Variants in ADA2 observed in about 807,000 individuals in gnomAD.
ADA2 encodes adenosine deaminase 2, also known as adenosine deaminase CECR1.
Under a neutral mutation model 44.2 loss-of-function variants are expected in ADA2, and 29 were observed. The observed-to-expected ratio is 0.66, with a 90% CI of 0.49 to 0.89. The LOEUF (loss-of-function observed/expected upper bound fraction) is 0.89, where lower values mean the gene tolerates loss of function less well. Ranked by LOEUF, ADA2 falls within the 40% of genes least tolerant of loss-of-function variation. The pLI is 0.00. For missense variants in ADA2, 637 were observed against 644.8 expected, an observed-to-expected ratio of 0.99 and a Z score of 0.13; for synonymous variants, 215 against 234.9, an observed-to-expected ratio of 0.92 and a Z score of 0.77.
At chr22:17,200,973 T>TGG (rs2062277114) in intron 4 of ADA2, among the ~76,000 whole-genome samples, 7 of 151,184 alleles carry the variant, frequency 4.6e-5, no homozygotes, top group Admixed American at 4.6e-4. Context: ...TGGAATAACT[T>TGG]GAATAACGAG....
chr22:17,214,421 A>T (rs1287559680), intron 1 of ADA2, among the ~76,000 whole-genome samples: 2 of 152,234 alleles, frequency 1.3e-5, no homozygotes, highest in African/African-American at 2.4e-5. Flanking sequence ...GTTTATTCAG[A>T]GGTAAAGCCC....
At chr22:17,220,396 G>C (rs531707161), upstream of ADA2, among the ~76,000 whole-genome samples, 1 of 152,002 alleles carries the variant, frequency 6.6e-6, no homozygotes, top group Non-Finnish European at 1.5e-5. Flanking sequence ...GTGGGGCCTC[G>C]ACCAAGTTGT....
chr22:17,204,787 A>G (rs12166983), intron 3 of ADA2, among the ~76,000 whole-genome samples: 2 of 141,440 alleles, frequency 1.4e-5, no homozygotes, highest in Non-Finnish European at 3.0e-5. Context: ...GAGAAAATCA[A>G]TTCCTTCTTT....
At chr22:17,215,339 G>A (rs567205530) in intron 1 of ADA2, among the ~76,000 whole-genome samples, 2 of 152,182 alleles carry the variant, frequency 1.3e-5, no homozygotes, top group East Asian at 1.9e-4. Flanking sequence ...GGTGGCTTAC[G>A]CCTGTAATCC....
chr22:17,207,099 C>T lies in ADA2; in HGVS notation c.514G>A (p.Val172Met). Residue 172 changes from valine to methionine, a missense_variant, in exon 3 of 10, where the codon GTG becomes ATG. Val to Met is a conservative substitution (Grantham distance 21, BLOSUM62 1). Coordinates refer to ENST00000399837, the MANE Select transcript of ADA2 (RefSeq NM_001282225.2). ...TCATCAAACTCAGTGACGTTCTGCA[C>T]CCGCTTCCGATAATCCTCCAGCAGA... ...WILLEDYRKR[V>M]QNVTEFDDSL... The T allele has an allele frequency of 1.2e-6, 2 of 1,614,194 alleles. No individual in the cohort carries two copies. The highest frequency in any genetic ancestry group is 1.6e-4 in the Middle Eastern group (1 of 6,062).
chr22:17,190,894 G>A (rs2062106479), intron 5 of ADA2, among the ~76,000 whole-genome samples: 1 of 152,244 alleles, frequency 6.6e-6, no homozygotes, highest in South Asian at 2.1e-4. Flanking sequence ...CCCCATGGAA[G>A]GGAAGGGGAC....
At chr22:17,212,093 C>T (rs1288013595) in intron 1 of ADA2, among the ~76,000 whole-genome samples, 5 of 151,918 alleles carry the variant, frequency 3.3e-5, no homozygotes, top group African/African-American at 1.2e-4. Context: ...GGCGCGATCT[C>T]GGCTCACCGT....
intron 1 of ADA2, among the ~76,000 whole-genome samples, chr22:17,218,136 CAT>C (rs1224941638): frequency 1.3e-5 from 2 of 152,154 alleles, no homozygotes; most frequent in Non-Finnish European, 2.9e-5. Context: ...AATTTTAAAA[CAT>C]GTATTAGCAC....
At chr22:17,200,613 G>A (rs945503867) in intron 4 of ADA2, among the ~76,000 whole-genome samples, 25 of 152,142 alleles carry the variant, frequency 1.6e-4, no homozygotes, top group African/African-American at 5.8e-4. Context: ...CTAAGGAAAA[G>A]GCCGGGCATG....
chr22:17,195,278 G>A (rs539756522), intron 4 of ADA2, among the ~76,000 whole-genome samples: 157 of 152,264 alleles, frequency 1.0e-3, no homozygotes, highest in Middle Eastern at 6.8e-3. Flanking sequence ...CAGCACTTTG[G>A]GAGGCGGAGG....
chr22:17,214,400 A>C (rs1488066621), intron 1 of ADA2, among the ~76,000 whole-genome samples: 1 of 152,202 alleles, frequency 6.6e-6, no homozygotes, highest in Non-Finnish European at 1.5e-5. Context: ...GTTCGGATGG[A>C]AAGTTTCTAA....
At chr22:17,190,228 A>G (rs1228935336) in intron 5 of ADA2, among the ~76,000 whole-genome samples, 196 bp from the exon 6 acceptor site, 1 of 152,204 alleles carries the variant, frequency 6.6e-6, no homozygotes, top group Admixed American at 6.5e-5. Context: ...GCCCAAATCC[A>G]TTCTTATCAA....
chr22:17,207,449 C>A (rs570887036), intron 2 of ADA2, among the ~76,000 whole-genome samples, 159 bp from the exon 3 acceptor site: 32 of 151,982 alleles, frequency 2.1e-4, no homozygotes, highest in African/African-American at 7.7e-4. Context: ...GGCTTGGGGA[C>A]AAAGGGGTGA....
intron 4 of ADA2, among the ~76,000 whole-genome samples, chr22:17,195,420 T>G (rs535843946): frequency 2.6e-5 from 4 of 151,584 alleles, no homozygotes; most frequent in African/African-American, 9.7e-5. Context: ...TCCCAGCTAC[T>G]GGGGAGGCTG....
At chr22:17,186,088 C>A (rs1467363612) in intron 7 of ADA2, among the ~76,000 whole-genome samples, 2 of 152,166 alleles carry the variant, frequency 1.3e-5, no homozygotes, top group African/African-American at 4.8e-5. Context: ...GAACAGCAGC[C>A]AGGGCCTGCA....
chr22:17,201,771 C>A (rs1041350043), intron 4 of ADA2, among the ~76,000 whole-genome samples: 5 of 152,142 alleles, frequency 3.3e-5, no homozygotes, highest in African/African-American at 7.2e-5. Context: ...AAAGATCCCT[C>A]CCCTACCAAC....
rs1466535470 is a variant in ADA2 at position 17,180,114 on chromosome 22, G to A, written c.*1369C>T. 6.6e-6 allele frequency: 1 copy of A among 152,342 alleles called. No individual in the cohort carries two copies. The highest frequency in any genetic ancestry group is 1.5e-5 in the Non-Finnish European group (1 of 68,188). The allele number at this position is 152,342 out of a possible 1,614,324, so 9.4% of individuals were successfully genotyped here. A position where few individuals can be genotyped will look rare whatever the true frequency, so the allele number is the denominator to read the frequency against. ...CCGCTGCACTCCACCCTGGGCAACA[G>A]AGCGAGACTCCATCTCAAACAAAAC... On this transcript the variant is annotated 3_prime_UTR_variant, in exon 10 of 10. Transcript: ENST00000399837.
chr22:17,187,665 T>TAAAAAAAAAA (rs34113994), intron 7 of ADA2, among the ~76,000 whole-genome samples: 1 of 136,822 alleles, frequency 7.3e-6, no homozygotes. Flanking sequence ...CACGAAAAAT[T>TAAAAAAAAAA]AAAAAAAAAA....
Position 17,203,632 on chromosome 22 carries a change from G to A in ADA2, c.684C>T (p.Val228=). 6.2e-7 allele frequency: 1 copy of A among 1,614,046 alleles called. No individual in the cohort carries two copies. The highest frequency in any genetic ancestry group is 8.5e-7 in the Non-Finnish European group (1 of 1,179,996). Residue 228 remains valine, a synonymous_variant, in exon 4 of 10, where the codon GTC becomes GTT. Transcript: ENST00000399837. ...CGTAGAACTCCTGCATGCTCCGGAA[G>A]ACATAGTCTCTGAACACTGGTGCGT... ...IHYAPVFRDY[V]FRSMQEFYED...
Sources: gnomAD v4.1 joint callset for allele counts (sites outside exome capture counted in the v4.1 genomes callset) on GRCh38, gnomAD v4.1.1 for gene constraint, MANE v1.5 for transcripts, NCBI Gene and HGNC (gene_info 2026-07-23, HGNC 2026-07-21) for gene names.